The following TRPC1 variants were observed in gnomAD, a reference collection of about 807,000 sequenced individuals.
The protein encoded by TRPC1 is short transient receptor potential channel 1.
TRPC1 carries 42 observed loss-of-function variants against 88.2 expected under a neutral mutation model. The ratio of observed to expected loss-of-function variants is 0.48; its 90% CI spans 0.37 to 0.62. The LOEUF (loss-of-function observed/expected upper bound fraction) is 0.62, where lower values mean the gene tolerates loss of function less well. Among genes scored for constraint, TRPC1 ranks in the 20% least tolerant of loss-of-function variants. The pLI is 0.00. For synonymous variants in TRPC1, 288 were observed against 331.8 expected (o/e 0.87, Z 1.43); for missense variants, 699 against 957.3 (o/e 0.73, Z 3.56).
At chr3:142,760,622 C>T (rs939419717) in intron 4 of TRPC1, among the ~76,000 whole-genome samples, 5 of 152,052 alleles carry the variant, frequency 3.3e-5, no homozygotes, top group African/African-American at 1.2e-4. Flanking sequence ...TGAAGAATGT[C>T]GTTGGTATTT....
intron 9 of TRPC1, among the ~76,000 whole-genome samples, chr3:142,793,528 C>T (rs1327137364): frequency 6.6e-6 from 1 of 151,856 alleles, no homozygotes; most frequent in Non-Finnish European, 1.5e-5. Flanking sequence ...AGAAATTGAG[C>T]TTTTGAGATG....
At chr3:142,797,403 C>T (rs1936487175) in intron 9 of TRPC1, among the ~76,000 whole-genome samples, 1 of 151,962 alleles carries the variant, frequency 6.6e-6, no homozygotes, top group African/African-American at 2.4e-5. Flanking sequence ...AGCCCCAAAG[C>T]AGAAATCTCT....
intron 4 of TRPC1, among the ~76,000 whole-genome samples, chr3:142,765,278 C>T (rs1186515257): frequency 6.6e-6 from 1 of 152,078 alleles, no homozygotes; most frequent in Non-Finnish European, 1.5e-5. Context: ...ATGCTATTCT[C>T]GTCAAACTAC....
chr3:142,740,571 A>G (rs1044469793), intron 2 of TRPC1, among the ~76,000 whole-genome samples: 6 of 152,242 alleles, frequency 3.9e-5, no homozygotes, highest in East Asian at 1.9e-4. Context: ...AGAGCATTAC[A>G]TGGAAAGAGT....
intron 4 of TRPC1, among the ~76,000 whole-genome samples, chr3:142,773,798 C>T (rs72990712): frequency 0.069 from 10,297 of 148,394 alleles, 1,180 homozygotes; most frequent in African/African-American, 0.24. Context: ...AGTCTATCCC[C>T]GCCCCCCTCT....
At chr3:142,766,065 A>T (rs2108085054) in intron 4 of TRPC1, among the ~76,000 whole-genome samples, 1 of 152,214 alleles carries the variant, frequency 6.6e-6, no homozygotes, top group African/African-American at 2.4e-5. Context: ...TGGCAAGGTT[A>T]TGGAGAAAAA....
Position 142,724,497 on chromosome 3 carries a change from T to TCGGGGTCGGGGC in TRPC1, c.-59_-48dup. 2 of 1,423,684 alleles carry TCGGGGTCGGGGC rather than the reference T, an allele frequency of 1.4e-6. No individual in the cohort carries two copies. Among genetic ancestry groups the TCGGGGTCGGGGC allele is most frequent in the Non-Finnish European group, 1.8e-6 (2 of 1,087,540 alleles). 88.2% of individuals were successfully genotyped at this position (1,423,684 alleles called of 1,614,324 possible). Reference sequence around the variant, plus strand: ...CCCTGGGGCGTGGCTGGGGTCGGGGTCGGGGTCGGGGCCGGTGGGGGCCCC... The same window carrying TCGGGGTCGGGGC: ...CCCTGGGGCGTGGCTGGGGTCGGGGTCGGGGTCGGGGCCGGGGTCGGGGCCGGTGGGGGCCCC... On this transcript the variant is annotated 5_prime_UTR_variant, in exon 1 of 13. Coordinates refer to ENST00000476941, the MANE Select transcript of TRPC1 (RefSeq NM_001251845.2). The surrounding 1 kb of genome is among the most constrained non-coding windows in gnomAD (Gnocchi z 5.6).
Position 142,806,404 on chromosome 3 carries a change from G to GAATT in TRPC1, c.*171_*174dup, listed in dbSNP as rs1274196123. 1.8e-6 allele frequency: 1 copy of GAATT among 569,990 alleles called. No individual in the cohort carries two copies. The highest frequency in any genetic ancestry group is 2.8e-6 in the Non-Finnish European group (1 of 358,932). 35.3% of individuals were successfully genotyped at this position (569,990 alleles called of 1,614,324 possible). ...ATATGTTATGTAAAGTGTGTATATA[G>GAATT]AATTAGTTTTTTAAACCTTCTGTTA... On this transcript the variant is annotated 3_prime_UTR_variant, in exon 13 of 13. Transcript: ENST00000476941.
rs780499678 is a variant in TRPC1 at position 142,791,085 on chromosome 3, G to A, written c.1364G>A (p.Arg455His). The change falls in exon 8 of 13, where the codon CGT (arginine) becomes CAT (histidine). Residue 455 changes from arginine to histidine, a missense_variant. Arg to His is a conservative substitution (Grantham distance 29, BLOSUM62 0). Around this residue, in one of 4 missense-constraint regions of TRPC1, gnomAD observed 426 missense variants for 641.3 expected, o/e 0.66. Transcript: ENST00000476941. ...EGLEDFLEES[R>H]NQLSFVMNSL... is the part of the protein sequence containing the mutation. ...TTGGAAGACTTTTTAGAAGAATCTC[G>A]TAATCAACTCAGTTTTGTCATGAAT... is the stretch of plus-strand genomic sequence containing the variant. 15 of 1,610,272 alleles carry A rather than the reference G, an allele frequency of 9.3e-6. No homozygotes were observed. The highest frequency in any genetic ancestry group is 3.3e-5 in the South Asian group (3 of 90,368).
intron 4 of TRPC1, among the ~76,000 whole-genome samples, chr3:142,773,605 G>A (rs1049321804): frequency 1.4e-5 from 2 of 146,022 alleles, no homozygotes; most frequent in African/African-American, 5.1e-5. Flanking sequence ...TTCCTTTAGG[G>A]GGTATGGGTC....
intron 4 of TRPC1, among the ~76,000 whole-genome samples, chr3:142,757,969 C>G (rs755485321): frequency 1.6e-4 from 25 of 152,084 alleles, no homozygotes; most frequent in Non-Finnish European, 3.4e-4. Flanking sequence ...GCAAACAATC[C>G]AATTATACTC....
chr3:142,765,369 T>C (rs1935346181), intron 4 of TRPC1, among the ~76,000 whole-genome samples: 1 of 152,080 alleles, frequency 6.6e-6, no homozygotes, highest in African/African-American at 2.4e-5. Context: ...GTTAAAGCAA[T>C]CTTAAGCAAA....
intron 4 of TRPC1, among the ~76,000 whole-genome samples, chr3:142,757,330 A>G (rs58351821): frequency 0.024 from 3,394 of 143,276 alleles, 140 homozygotes; most frequent in African/African-American, 0.089. Context: ...AAGGATTATA[A>G]ATCATTCTAT....
At chr3:142,728,714 G>GA (rs1441669293) in intron 1 of TRPC1, among the ~76,000 whole-genome samples, 1 of 152,124 alleles carries the variant, frequency 6.6e-6, no homozygotes, top group Non-Finnish European at 1.5e-5. Flanking sequence ...AGAGTCAGAA[G>GA]AAAAAAGTGC....
intron 4 of TRPC1, among the ~76,000 whole-genome samples, chr3:142,758,799 G>A (rs1483351400): frequency 6.6e-6 from 1 of 151,410 alleles, no homozygotes; most frequent in Non-Finnish European, 1.5e-5. Flanking sequence ...TTTACATTAG[G>A]TATATCTCTA....
rs753220768 is a variant in TRPC1, at chr3:142,748,334, G to C, written c.506G>C (p.Arg169Pro). The C allele has an allele frequency of 6.2e-7, 1 of 1,614,018 alleles. No homozygotes were observed. The highest frequency in any genetic ancestry group is 1.1e-5 in the South Asian group (1 of 91,074). The change falls in exon 4 of 13, where the codon CGT becomes CCT. Residue 169 changes from arginine (R) to proline (P), a missense_variant. By Grantham distance (103) the Arg-to-Pro change is moderately radical (BLOSUM62 -2). Around this residue, in one of 4 missense-constraint regions of TRPC1, gnomAD observed 426 missense variants for 641.3 expected, o/e 0.66. Transcript: ENST00000476941. ...DVAPVILAAH[R>P]NNYEILTMLL... ...GCACCTGTCATTTTAGCTGCTCATC[G>C]TAACAACTATGAAATTCTTACAATG...
chr3:142,744,187 T>C (rs986146654), intron 3 of TRPC1, among the ~76,000 whole-genome samples: 1 of 152,080 alleles, frequency 6.6e-6, no homozygotes, highest in African/African-American at 2.4e-5. Flanking sequence ...AAATGTTAAA[T>C]CTTAATGATA....
At chr3:142,733,942 A>T (rs1441411474) in intron 1 of TRPC1, among the ~76,000 whole-genome samples, 1 of 152,202 alleles carries the variant, frequency 6.6e-6, no homozygotes, top group Non-Finnish European at 1.5e-5. Flanking sequence ...TAATGCCCAT[A>T]TGAGAACAGG....
Position 142,774,022 on chromosome 3 carries a change from CTTTG to C in TRPC1, c.633-3604_633-3601del, listed in dbSNP as rs1163125052. On this transcript the variant is annotated intron_variant, in intron 4 of 12. Transcript: ENST00000476941. Reference sequence around the variant, plus strand: ...TGTTGTACATTTATTGATGTCTGTGCTTTGTTTGTGTTTTAGTCTCATTTTCATT... The same window carrying C: ...TGTTGTACATTTATTGATGTCTGTGCTTTGTGTTTTAGTCTCATTTTCATT... 6.6e-5 allele frequency among the ~76,000 whole-genome samples: 10 copies of C among 151,982 alleles called. No homozygotes were observed. In the East Asian group the frequency reaches 1.9e-3, roughly 29 times the overall value.
Sources: allele counts gnomAD v4.1 joint callset (sites outside exome capture counted in the v4.1 genomes callset), GRCh38; gene constraint gnomAD v4.1.1; regional missense constraint gnomAD v4.1.1; non-coding constraint Gnocchi (gnomAD v3.1); transcripts MANE v1.5; gene names NCBI Gene and HGNC (gene_info 2026-07-23, HGNC 2026-07-21).